Variants in AFAP1L1 observed in about 807,000 individuals in gnomAD.
AFAP1L1 encodes actin filament associated protein 1 like 1, also known as actin filament-associated protein 1-like 1.
Under a neutral mutation model 99.8 loss-of-function variants are expected in AFAP1L1, and 77 were observed. The observed-to-expected ratio is 0.77, with a 90% CI of 0.64 to 0.93. The LOEUF (loss-of-function observed/expected upper bound fraction) is 0.93. AFAP1L1 is among the 40% of genes least tolerant of loss of function. AFAP1L1 has a pLI of 0.00. For missense variants in AFAP1L1, 893 were observed against 996.8 expected (o/e 0.90, Z 1.40); for synonymous variants, 373 against 395.3 (o/e 0.94, Z 0.67).
At position 149,307,484 on chromosome 5, in the gene AFAP1L1, C is replaced by T. The variant is rs752014306; in HGVS notation, c.618C>T (p.His206=). ...AAGGGAAGAGCCCGCAGCCCCGACA[C>T]CAGTGGCCCTCAGAGGAGGCCTCCA... ...EEEGKSPQPR[H]QWPSEEASMH... is the part of the protein sequence containing the mutation. The change falls in exon 7 of 19, where the codon CAC becomes CAT. Residue 206 remains histidine, a synonymous_variant. Coordinates refer to ENST00000296721, the MANE Select transcript of AFAP1L1 (RefSeq NM_152406.4). The T allele has an allele frequency of 3.1e-6, 5 of 1,614,158 alleles. No homozygotes were observed. Among genetic ancestry groups the T allele is most frequent in the South Asian group, 1.1e-5 (1 of 91,082 alleles).
At chr5:149,336,623 C>G (rs1397078369) in intron 18 of AFAP1L1, among the ~76,000 whole-genome samples, 3 of 152,240 alleles carry the variant, frequency 2.0e-5, no homozygotes, top group African/African-American at 7.2e-5. Flanking sequence ...CAGGGCATCA[C>G]AGGGTGAGGG....
Position 149,306,318 on chromosome 5 carries a change from C to T in AFAP1L1, c.449C>T (p.Pro150Leu), listed in dbSNP as rs779281062. ...EYISSHNGCS[P>L]SHSIVDGYYE... ...TGACAACCCACAGATGGCTGCAGCC[C>T]CTCACACTCGATTGTGGATGGCTAC... Residue 150 changes from proline to leucine, a missense_variant, in exon 6 of 19, where the codon CCC (proline) becomes CTC (leucine). By Grantham distance (98) the Pro-to-Leu change is moderately conservative. Coordinates refer to ENST00000296721, the MANE Select transcript of AFAP1L1 (RefSeq NM_152406.4). 6.2e-7 allele frequency: 1 copy of T among 1,612,888 alleles called. No homozygotes were observed. Among genetic ancestry groups the T allele is most frequent in the Non-Finnish European group, 8.5e-7 (1 of 1,179,536 alleles).
intron 8 of AFAP1L1, 120 bp downstream of exon 8, chr5:149,310,255 T>A: frequency 1.5e-6 from 2 of 1,290,822 alleles, no homozygotes; most frequent in Non-Finnish European, 2.1e-6. Flanking sequence ...TGAGCCCAAG[T>A]GCCCTCTGCG....
At chr5:149,319,248 A>T (rs540260595) in intron 12 of AFAP1L1, among the ~76,000 whole-genome samples, 6 of 152,292 alleles carry the variant, frequency 3.9e-5, no homozygotes, top group East Asian at 1.9e-4. Flanking sequence ...AATATTTTTT[A>T]AAAAATTCAG....
intron 2 of AFAP1L1, 23 bp from the exon 3 acceptor site, chr5:149,300,248 C>T (rs1218730213): frequency 5.7e-6 from 9 of 1,589,208 alleles, no homozygotes; most frequent in Middle Eastern, 1.8e-4. Context: ...TCACAGCTGG[C>T]ATGTCCCCCT....
At chr5:149,339,962 T>C (rs1384331756) in intron 18 of AFAP1L1, 45 bp from the exon 19 acceptor site, 1 of 1,611,858 alleles carries the variant, frequency 6.2e-7, no homozygotes, top group East Asian at 2.2e-5. Context: ...CATGTCACAC[T>C]AGACCATTCA....
intron 9 of AFAP1L1, among the ~76,000 whole-genome samples, chr5:149,312,666 G>A (rs921000034): frequency 6.6e-6 from 1 of 152,154 alleles, no homozygotes; most frequent in African/African-American, 2.4e-5. Flanking sequence ...GCACATGCCT[G>A]TAGTCCTCAC....
At chr5:149,288,229 G>A (rs1285587887) in intron 1 of AFAP1L1, among the ~76,000 whole-genome samples, 6 of 152,194 alleles carry the variant, frequency 3.9e-5, no homozygotes, top group African/African-American at 1.4e-4. Context: ...CAGAAGGTAC[G>A]CTAGTGCTGC....
chr5:149,307,216 C>T (rs550008453), intron 6 of AFAP1L1, among the ~76,000 whole-genome samples, 186 bp from the exon 7 acceptor site: 18 of 152,130 alleles, frequency 1.2e-4, no homozygotes, highest in African/African-American at 4.3e-4. Flanking sequence ...CACTGTACTC[C>T]AGCCTGGGTG....
chr5:149,314,944 A>G (rs991167241), intron 9 of AFAP1L1, among the ~76,000 whole-genome samples: 4 of 152,196 alleles, frequency 2.6e-5, no homozygotes, highest in Non-Finnish European at 5.9e-5. Context: ...GATACAGTCC[A>G]TGGGCCTTCA....
In AFAP1L1 at chr5:149,343,075, T is replaced by C. The variant is rs1371929509; in HGVS notation, c.*3045T>C. Among the ~76,000 whole-genome samples the C allele has an allele frequency of 3.9e-5, 6 of 152,196 alleles. No homozygotes were observed. The highest frequency in any genetic ancestry group is 8.8e-5 in the Non-Finnish European group (6 of 68,042). ...ACCTTTCTGAGCCTCAATTTTCTCA[T>C]ATGTAAAAGAGAATCATAATACCTC... On this transcript the variant is annotated 3_prime_UTR_variant, in exon 19 of 19. Transcript: ENST00000296721.
intron 18 of AFAP1L1, among the ~76,000 whole-genome samples, chr5:149,338,775 A>G (rs930297312): frequency 1.3e-5 from 2 of 152,234 alleles, no homozygotes; most frequent in Non-Finnish European, 2.9e-5. Context: ...AGACCCTTTC[A>G]AGAAGGTGAC....
At chr5:149,312,803 AAAG>A (rs1756676951) in intron 9 of AFAP1L1, among the ~76,000 whole-genome samples, 1 of 151,212 alleles carries the variant, frequency 6.6e-6, no homozygotes, top group South Asian at 2.1e-4. Context: ...AAAAGAAAGA[AAAG>A]AGAGAGAGAG....
At chr5:149,305,729 T>C (rs1756384588) in intron 5 of AFAP1L1, among the ~76,000 whole-genome samples, 1 of 152,188 alleles carries the variant, frequency 6.6e-6, no homozygotes, top group South Asian at 2.1e-4. Context: ...AGTCCAATTC[T>C]TTCTTTGCAG....
chr5:149,288,614 C>T (rs1479216918), intron 1 of AFAP1L1, among the ~76,000 whole-genome samples: 2 of 152,186 alleles, frequency 1.3e-5, no homozygotes, highest in African/African-American at 4.8e-5. Context: ...CAGTTTTCCA[C>T]TTCCTCCTGG....
At chr5:149,322,067 G>A (rs2127600602) in intron 14 of AFAP1L1, among the ~76,000 whole-genome samples, 1 of 152,294 alleles carries the variant, frequency 6.6e-6, no homozygotes, top group Non-Finnish European at 1.5e-5. Flanking sequence ...TAGTACTGTT[G>A]TTGACAACAT....
rs929787398 is a variant in AFAP1L1 at position 149,342,592 on chromosome 5, G to C, written c.*2562G>C. Among the ~76,000 whole-genome samples, 1 of 152,222 alleles carries C rather than the reference G, an allele frequency of 6.6e-6. No individual in the cohort carries two copies. Among genetic ancestry groups the C allele is most frequent in the African/African-American group, 2.4e-5 (1 of 41,454 alleles). ...ATGTAAGCAAAATGGCTAAGGCACA[G>C]ATGCCACTTGTTCTTGGTTGTTAAA... On this transcript the variant is annotated 3_prime_UTR_variant, in exon 19 of 19. Transcript: ENST00000296721.
In AFAP1L1 at chr5:149,313,873, G is replaced by A. The variant is rs201820634; in HGVS notation, c.1020+1669G>A. On this transcript the variant is annotated intron_variant, in intron 9 of 18. Coordinates refer to ENST00000296721, the MANE Select transcript of AFAP1L1 (RefSeq NM_152406.4). ...AATTAGCAGGGAAGAGGAAGGAAAA[G>A]GCATTGTAAGCAGAGGGAAAAGGTG... Among the ~76,000 whole-genome samples the A allele has an allele frequency of 2.6e-5, 4 of 152,346 alleles. No homozygotes were observed. The East Asian group carries it at 7.7e-4, about 29-fold the overall frequency.
chr5:149,325,729 G>A (rs1467540372), intron 15 of AFAP1L1, among the ~76,000 whole-genome samples: 1 of 152,172 alleles, frequency 6.6e-6, no homozygotes, highest in Non-Finnish European at 1.5e-5. Flanking sequence ...GAAATTATTA[G>A]CTCCTAGTCT....
Sources: allele counts gnomAD v4.1 joint callset (sites outside exome capture counted in the v4.1 genomes callset), GRCh38; gene constraint gnomAD v4.1.1; transcripts MANE v1.5; gene names NCBI Gene and HGNC (gene_info 2026-07-23, HGNC 2026-07-21).